MSH5: variants seen among roughly 807,000 people sequenced by gnomAD.
MSH5 encodes mutS protein homolog 5.
In MSH5, 78 loss-of-function variants were observed where a neutral mutation model predicts 107.7. That is an observed-to-expected ratio of 0.72 (90% CI 0.60 to 0.87). MSH5 has a LOEUF of 0.87. Among genes scored for constraint, MSH5 ranks in the 40% least tolerant of loss-of-function variants. The probability of loss-of-function intolerance (pLI) is 0.00; values close to 1 mark genes in which losing one functional copy is unlikely to be tolerated. For missense variants in MSH5, 889 were observed against 1,046.6 expected (o/e 0.85, Z 2.08); for synonymous variants, 326 against 399.5 (o/e 0.82, Z 2.19).
chr6:31,755,840 TC>T (rs1810401168), intron 12 of MSH5, among the ~76,000 whole-genome samples: 1 of 152,132 alleles, frequency 6.6e-6, no homozygotes, highest in Admixed American at 6.5e-5. Context: ...TCCTTCTCTA[TC>T]TTTTCTCTCT....
At position 31,741,235 on chromosome 6, in the gene MSH5, C is replaced by T; in HGVS notation, c.220C>T (p.His74Tyr). Residue 74 changes from histidine (H) to tyrosine (Y), a missense_variant, in exon 3 of 25, where the codon CAC becomes TAC. By Grantham distance (83) the His-to-Tyr change is moderately conservative. Transcript: ENST00000375750. ...CTATGATACTAGTGACTCCACTATC[C>T]ACTTCATGCCAGATGCCCCAGACCA... is the stretch of plus-strand genomic sequence containing the variant. ...AYYDTSDSTI[H>Y]FMPDAPDHES... 1 of 1,612,822 alleles carries T rather than the reference C, an allele frequency of 6.2e-7. No homozygotes were observed. The highest frequency in any genetic ancestry group is 8.5e-7 in the Non-Finnish European group (1 of 1,179,984).
In MSH5 at chr6:31,747,405, A is replaced by C; in HGVS notation, c.785A>C (p.His262Pro). The C allele has an allele frequency of 6.2e-7, 1 of 1,613,102 alleles. No individual in the cohort carries two copies. The highest frequency in any genetic ancestry group is 1.1e-5 in the South Asian group (1 of 91,064). Residue 262 changes from histidine (H) to proline (P), a missense_variant, in exon 10 of 25, where the codon CAC becomes CCC. His to Pro is a moderately conservative substitution (Grantham distance 77). Transcript: ENST00000375750. ...LSLFGILNRC[H>P]CKWGEKLLRL... Reference sequence around the variant, plus strand: ...CTCACAGGAATCCTCAACAGATGCCACTGTAAGTGGGGAGAGAAGCTGCTC... The same window carrying C: ...CTCACAGGAATCCTCAACAGATGCCCCTGTAAGTGGGGAGAGAAGCTGCTC...
Position 31,758,174 on chromosome 6 carries a change from A to G in MSH5, c.1024A>G (p.Ser342Gly), listed in dbSNP as rs1024218277. The part of the protein sequence containing the change: ...DWQVLYKTVY[S>G]ALGLRDACRS... ...TGTGTTTCTCTCACAGACTGTGTAC[A>G]GTGCCCTGGGCCTGAGGGATGCCTG... Residue 342 changes from serine (S) to glycine (G), a missense_variant, in exon 13 of 25, where the codon AGT becomes GGT. Physicochemically the swap from Ser to Gly is moderately conservative, Grantham distance 56. Around this residue, in one of 3 missense-constraint regions of MSH5, gnomAD observed 518 missense variants for 565.0 expected, o/e 0.92. Transcript: ENST00000375750. This position sits in a 1 kb window ranked among gnomAD's most constrained non-coding sequence, Gnocchi z 5.1. The G allele has an allele frequency of 1.9e-6, 3 of 1,612,932 alleles. No individual in the cohort carries two copies. Among genetic ancestry groups the G allele is most frequent in the African/African-American group, 1.3e-5 (1 of 74,918 alleles).
At position 31,761,808 on chromosome 6, in the gene MSH5, CTCTTT is replaced by C. The variant is rs1434797962; in HGVS notation, c.2182-8_2182-4del. On this transcript the variant is annotated splice_polypyrimidine_tract_variant and splice_region_variant and intron_variant, in intron 22 of 24. Coordinates refer to ENST00000375750, the MANE Select transcript of MSH5 (RefSeq NM_172166.4). The surrounding 1 kb of genome is among the most constrained non-coding windows in gnomAD (Gnocchi z 5.3). ...GATTGATGATACACTGTCTTTTATTCTCTTTTAAGACCATGGAGACCTGTGAGGAT... is the reference window on the plus strand; with the variant it reads ...GATTGATGATACACTGTCTTTTATTCTAAGACCATGGAGACCTGTGAGGAT... The C allele has an allele frequency of 1.9e-6, 3 of 1,612,972 alleles. No homozygotes were observed. The highest frequency in any genetic ancestry group is 1.7e-6 in the Non-Finnish European group (2 of 1,180,032).
At chr6:31,743,721 T>C (rs1202691205) in intron 5 of MSH5, among the ~76,000 whole-genome samples, 183 bp from the exon 6 acceptor site, 2 of 152,218 alleles carry the variant, frequency 1.3e-5, no homozygotes, top group Non-Finnish European at 2.9e-5. Context: ...ATATTATATG[T>C]AGAATAAAAA....
At chr6:31,744,709 A>G in intron 8 of MSH5, 128 bp downstream of exon 8, 2 of 1,018,702 alleles carry the variant, frequency 2.0e-6, no homozygotes, top group Non-Finnish European at 3.0e-6. Context: ...CTTGAAGGAA[A>G]GGGAAGGGGG....
rs771253756 is a variant in MSH5 at position 31,761,927 on chromosome 6, C to T, written c.2291C>T (p.Pro764Leu). 1.2e-6 allele frequency: 2 copies of T among 1,613,890 alleles called. No individual in the cohort carries two copies. The highest frequency in any genetic ancestry group is 2.2e-5 in the South Asian group (2 of 91,076). The change falls in exon 23 of 25, where the codon CCT becomes CTT. Residue 764 changes from proline to leucine, a missense_variant. By Grantham distance (98) the Pro-to-Leu change is moderately conservative. This residue lies in a region of MSH5 where 362 missense variants were observed against 456.2 expected (regional missense o/e 0.79). Coordinates refer to ENST00000375750, the MANE Select transcript of MSH5 (RefSeq NM_172166.4). The surrounding 1 kb of genome is among the most constrained non-coding windows in gnomAD (Gnocchi z 5.3). The stretch of plus-strand genomic sequence containing the variant: ...CACACAGCTGCCCAGGCTGGGCTTC[C>T]TGACAAGCTTGTGGCTCGTGGCAAG... ...ASHTAAQAGL[P>L]DKLVARGKEV...
chr6:31,759,269 G>A lies in MSH5; in HGVS notation c.1407+92G>A. On this transcript the variant is annotated intron_variant, in intron 16 of 24. Transcript: ENST00000375750. This position sits in a 1 kb window ranked among gnomAD's most constrained non-coding sequence, Gnocchi z 4.7. ...ACTCTACAGCAGCACTGCCCAATATGGGATCTCTCCTCTGTAGTTTTACTC... is the reference window on the plus strand; with the variant it reads ...ACTCTACAGCAGCACTGCCCAATATAGGATCTCTCCTCTGTAGTTTTACTC... 1 of 1,372,854 alleles carries A rather than the reference G, an allele frequency of 7.3e-7. No homozygotes were observed. Among genetic ancestry groups the A allele is most frequent in the Admixed American group, 1.7e-5 (1 of 59,616 alleles). 85.0% of individuals were successfully genotyped at this position (1,372,854 alleles called of 1,614,324 possible).
In MSH5 at chr6:31,741,209, A is replaced by G. The variant is rs752295911; in HGVS notation, c.194A>G (p.Tyr65Cys). ...AATTCAGGATACTTGGGCATTGCCT[A>G]CTATGATACTAGTGACTCCACTATC... is the stretch of plus-strand genomic sequence containing the variant. ...LWNSGYLGIA[Y>C]YDTSDSTIHF... The change falls in exon 3 of 25, where the codon TAC becomes TGC. Residue 65 changes from tyrosine (Y) to cysteine (C), a missense_variant. By Grantham distance (194) the Tyr-to-Cys change is radical. Transcript: ENST00000375750. 1.9e-6 allele frequency: 3 copies of G among 1,612,988 alleles called. No individual in the cohort carries two copies. Among genetic ancestry groups the G allele is most frequent in the South Asian group, 1.1e-5 (1 of 91,084 alleles).
At chr6:31,752,718 C>CAA (rs9279408) in intron 10 of MSH5, among the ~76,000 whole-genome samples, 8 of 124,558 alleles carry the variant, frequency 6.4e-5, no homozygotes, top group Admixed American at 8.0e-5. Context: ...GACTCTGTCT[C>CAA]AAAAAAAAAA....
chr6:31,758,518 G>C lies in MSH5; in HGVS notation c.1144-30G>C, dbSNP rs754163779. 4.3e-6 allele frequency: 7 copies of C among 1,611,644 alleles called. No individual in the cohort carries two copies. In the Admixed American group the frequency reaches 1.2e-4, roughly 27 times the overall value. ...CTGAGGAACAGGACAGAGGGTGCCA[G>C]GTCCTAAGAAACAGTACTTATCTCC... On this transcript the variant is annotated intron_variant, in intron 13 of 24. Coordinates refer to ENST00000375750, the MANE Select transcript of MSH5 (RefSeq NM_172166.4). This position sits in a 1 kb window ranked among gnomAD's most constrained non-coding sequence, Gnocchi z 5.1.
rs1810647055 is a variant in MSH5, at chr6:31,758,387, T to C, written c.1143+94T>C. On this transcript the variant is annotated intron_variant, in intron 13 of 24. Coordinates refer to ENST00000375750, the MANE Select transcript of MSH5 (RefSeq NM_172166.4). The surrounding 1 kb of genome is among the most constrained non-coding windows in gnomAD (Gnocchi z 5.1). ...GAAACATGGAAGATATTGAGGTCAA[T>C]TGGATAAAGAATGGGATGGTGGGAG... 1.9e-6 allele frequency: 3 copies of C among 1,580,278 alleles called. No individual in the cohort carries two copies.
At position 31,760,091 on chromosome 6, in the gene MSH5, C is replaced by T. The variant is rs762594651; in HGVS notation, c.1687C>T (p.His563Tyr). The T allele has an allele frequency of 1.9e-6, 3 of 1,601,998 alleles. No homozygotes were observed. The South Asian group carries it at 3.4e-5, about 18-fold the overall frequency. Residue 563 changes from histidine (H) to tyrosine (Y), a missense_variant and splice_region_variant, in exon 19 of 25, where the codon CAT becomes TAT. His to Tyr is a moderately conservative substitution (Grantham distance 83). Transcript: ENST00000375750. The surrounding 1 kb of genome is among the most constrained non-coding windows in gnomAD (Gnocchi z 5.6). ...GAGGTGCCTCTCCGCCCACTGCAGA[C>T]ATCCTCTGATGGAACTCTGTGCCCG... ...VLGVRIQNGR[H>Y]PLMELCARTF... is the part of the protein sequence containing the mutation.
chr6:31,752,141 C>T (rs948493677), intron 10 of MSH5, among the ~76,000 whole-genome samples: 4 of 148,810 alleles, frequency 2.7e-5, no homozygotes, highest in Non-Finnish European at 4.5e-5. Flanking sequence ...ATCCATCAGC[C>T]AATTTAAGAA....
intron 12 of MSH5, chr6:31,756,750 C>T (rs1048561442): frequency 2.6e-5 from 4 of 152,042 alleles, no homozygotes; most frequent in East Asian, 1.9e-4. Flanking sequence ...AAGTGATTCT[C>T]CTGCCTCAGC....
At chr6:31,747,556 C>A in intron 10 of MSH5, 124 bp downstream of exon 10, 1 of 967,110 alleles carries the variant, frequency 1.0e-6, no homozygotes, top group Non-Finnish European at 1.6e-6. Flanking sequence ...AGTAGTAAAG[C>A]AACTGCCCTT....
chr6:31,753,513 G>A (rs1810158740), intron 11 of MSH5, 54 bp from the exon 12 acceptor site: 2 of 1,613,666 alleles, frequency 1.2e-6, no homozygotes, highest in South Asian at 2.2e-5. Flanking sequence ...GCTTCTTGAG[G>A]GGCATTAGAG....
intron 7 of MSH5, 56 bp downstream of exon 7, chr6:31,744,355 A>C: frequency 6.2e-7 from 1 of 1,609,686 alleles, no homozygotes; most frequent in Non-Finnish European, 8.5e-7. Flanking sequence ...AGGCCTGAAA[A>C]GTAAAGTGGG....
At chr6:31,746,693 C>G (rs1194314996) in intron 9 of MSH5, among the ~76,000 whole-genome samples, 1 of 152,114 alleles carries the variant, frequency 6.6e-6, no homozygotes, top group East Asian at 1.9e-4. Context: ...TCAAGTGATC[C>G]TCCTGCCTTG....
Sources: gnomAD v4.1 joint callset for allele counts (sites outside exome capture counted in the v4.1 genomes callset) on GRCh38, gnomAD v4.1.1 for gene constraint, gnomAD v4.1.1 regional missense constraint, Gnocchi (gnomAD v3.1) non-coding constraint, MANE v1.5 for transcripts, NCBI Gene and HGNC (gene_info 2026-07-23, HGNC 2026-07-21) for gene names.